Variants in RPAP3 observed in about 807,000 individuals in gnomAD.
RPAP3 encodes RNA polymerase II associated protein 3, also known as RNA polymerase II-associated protein 3.
RPAP3 carries 58 observed loss-of-function variants against 88.8 expected under a neutral mutation model. The observed-to-expected ratio is 0.65, with a 90% CI of 0.53 to 0.81. The LOEUF (loss-of-function observed/expected upper bound fraction) is 0.81. Among genes scored for constraint, RPAP3 ranks in the 40% least tolerant of loss-of-function variants. The probability of loss-of-function intolerance (pLI) is 0.00; values close to 1 mark genes in which losing one functional copy is unlikely to be tolerated. For synonymous variants in RPAP3, 255 were observed against 259.9 expected (o/e 0.98, Z 0.18); for missense variants, 751 against 764.3 (o/e 0.98, Z 0.20).
intron 5 of RPAP3, 126 bp downstream of exon 5, chr12:47,696,150 A>T: frequency 2.6e-6 from 2 of 773,100 alleles, no homozygotes; most frequent in Non-Finnish European, 3.7e-6. Context: ...ATAAGAATTT[A>T]CAGTTGAAAA....
chr12:47,697,606 T>A lies in RPAP3; in HGVS notation c.408A>T (p.Leu136Phe). ...IHVDSQKALV[L>F]KEKGNKYFKQ... is the part of the protein sequence containing the mutation. ...CCTAACTAATTAGTACCTTTTCTTT[T>A]AAAACAAGAGCCTTTTGTGAATCTA... The change falls in exon 4 of 17, where the codon TTA (leucine) becomes TTT (phenylalanine). Residue 136 changes from leucine (L) to phenylalanine (F), a missense_variant. Transcript: ENST00000005386. 1 of 1,598,122 alleles carries A rather than the reference T, an allele frequency of 6.3e-7. No individual in the cohort carries two copies. Among genetic ancestry groups the A allele is most frequent in the Non-Finnish European group, 8.5e-7 (1 of 1,175,808 alleles).
At chr12:47,698,675 A>C (rs1314919131) in intron 3 of RPAP3, among the ~76,000 whole-genome samples, 1 of 152,092 alleles carries the variant, frequency 6.6e-6, no homozygotes, top group Non-Finnish European at 1.5e-5. Context: ...CACCATGCGC[A>C]GCTAATTTTT....
At chr12:47,673,444 CAAAAAAAA>C (rs35080899) in intron 12 of RPAP3, among the ~76,000 whole-genome samples, 2 of 60,766 alleles carry the variant, frequency 3.3e-5, no homozygotes, top group African/African-American at 1.2e-4. Context: ...AACTCCGTCT[CAAAAAAAA>C]AAAAAAAAAA....
chr12:47,676,422 C>CA (rs879431790), intron 12 of RPAP3, among the ~76,000 whole-genome samples: 9 of 151,466 alleles, frequency 5.9e-5, no homozygotes, highest in Middle Eastern at 3.2e-3. Context: ...GTGATAGACA[C>CA]AAAAAAAACC....
chr12:47,679,759 A>C lies in RPAP3; in HGVS notation c.1130T>G (p.Leu377Ter). The change falls in exon 11 of 17, where the codon TTA becomes TGA. Residue 377 changes from leucine (L) to a stop codon, truncating the protein, a stop_gained. Coordinates refer to ENST00000005386, the MANE Select transcript of RPAP3 (RefSeq NM_024604.3). LOFTEE classifies it high-confidence loss of function. Reference sequence around the variant, plus strand: ...TTGCTTATTTCCAGGTTCCAGAAGTAAAACAGTTTCAAAATCTAAAGCGAA... The same window carrying C: ...TTGCTTATTTCCAGGTTCCAGAAGTCAAACAGTTTCAAAATCTAAAGCGAA... ...NEAKQDFETV[L>*]LLEPGNKQAV... is the part of the protein sequence containing the mutation. The C allele has an allele frequency of 6.2e-7, 1 of 1,605,784 alleles. No individual in the cohort carries two copies. Among genetic ancestry groups the C allele is most frequent in the Non-Finnish European group, 8.5e-7 (1 of 1,175,516 alleles).
At chr12:47,679,370 C>T in intron 12 of RPAP3, 123 bp downstream of exon 12, 1 of 593,100 alleles carries the variant, frequency 1.7e-6, no homozygotes, top group Non-Finnish European at 3.0e-6. Context: ...ACGTTGTGCA[C>T]ATGTACCCTA....
intron 2 of RPAP3, among the ~76,000 whole-genome samples, chr12:47,702,458 G>A (rs1215647385): frequency 6.6e-6 from 1 of 152,026 alleles, no homozygotes; most frequent in Admixed American, 6.5e-5. Context: ...GGAGGCTAAG[G>A]CAGGAGAACT....
At chr12:47,694,716 AC>A in intron 5 of RPAP3, among the ~76,000 whole-genome samples, 1 of 152,136 alleles carries the variant, frequency 6.6e-6, no homozygotes, top group Non-Finnish European at 1.5e-5. Context: ...AAAGAAAAAA[AC>A]AAAAATGGAA....
chr12:47,681,107 TC>T (rs75629144), intron 10 of RPAP3, among the ~76,000 whole-genome samples: 59,629 of 151,918 alleles, frequency 0.39, 12,031 homozygotes, highest in Middle Eastern at 0.5. Flanking sequence ...GCACCTGCAA[TC>T]CCATTAGTTA....
At chr12:47,682,696 A>T (rs1268541132) in intron 9 of RPAP3, among the ~76,000 whole-genome samples, 1 of 149,952 alleles carries the variant, frequency 6.7e-6, no homozygotes, top group Non-Finnish European at 1.5e-5. Context: ...AAAAAAAAAC[A>T]CTCCTGTAAT....
At position 47,662,701 on chromosome 12, in the gene RPAP3, T is replaced by A. The variant is rs1280736736; in HGVS notation, c.*804A>T. The A allele has an allele frequency of 1.3e-5, 2 of 152,212 alleles. No homozygotes were observed. Among genetic ancestry groups the A allele is most frequent in the Admixed American group, 1.3e-4 (2 of 15,288 alleles). The allele number at this position is 152,212 out of a possible 1,614,324, so 9.4% of individuals were successfully genotyped here. A position where few individuals can be genotyped will look rare whatever the true frequency, so the allele number is the denominator to read the frequency against. On this transcript the variant is annotated 3_prime_UTR_variant, in exon 17 of 17. Coordinates refer to ENST00000005386, the MANE Select transcript of RPAP3 (RefSeq NM_024604.3). ...TATAAGTATCAGTTGAGCACCTAAC[T>A]ATGTGCAAACGTCTGTGCTAGGTAC...
chr12:47,687,322 T>C (rs1260978078), intron 8 of RPAP3, among the ~76,000 whole-genome samples: 1 of 152,180 alleles, frequency 6.6e-6, no homozygotes, highest in Non-Finnish European at 1.5e-5. Flanking sequence ...TAAAGCCCAC[T>C]CTTCAATAAC....
At chr12:47,705,414 C>T (rs1404385071) in intron 1 of RPAP3, among the ~76,000 whole-genome samples, 1 of 152,182 alleles carries the variant, frequency 6.6e-6, no homozygotes, top group Non-Finnish European at 1.5e-5. Context: ...TTGTTGGGAA[C>T]TCAAATAAAT....
chr12:47,687,478 A>G (rs73104122), intron 8 of RPAP3, among the ~76,000 whole-genome samples: 24,313 of 152,074 alleles, frequency 0.16, 2,459 homozygotes, highest in Admixed American at 0.31. Context: ...TGGGTCCAGG[A>G]AAGGCAATAA....
chr12:47,663,631 T>G lies in RPAP3; in HGVS notation c.1913-41A>C, dbSNP rs775440809. 3.2e-6 allele frequency: 4 copies of G among 1,260,886 alleles called. No homozygotes were observed. The East Asian group carries it at 9.6e-5, about 30-fold the overall frequency. The allele number at this position is 1,260,886 out of a possible 1,614,324, so 78.1% of individuals were successfully genotyped here. A position where few individuals can be genotyped will look rare whatever the true frequency, so the allele number is the denominator to read the frequency against. On this transcript the variant is annotated intron_variant, in intron 16 of 16. Coordinates refer to ENST00000005386, the MANE Select transcript of RPAP3 (RefSeq NM_024604.3). ...AAATTCTCCATTTTAATCTCATTTT[T>G]TAAAAACCAAGCAAAATGTAAATTA...
chr12:47,701,608 AGGAGGG>A lies in RPAP3; in HGVS notation c.154-10_154-5del. ...CATTTCGAATAGGAGGTAAATTCTAAGGAGGGAAAAAAAAACACAAAGTTGTGAGTA... is the reference window on the plus strand; with the variant it reads ...CATTTCGAATAGGAGGTAAATTCTAAAAAAAAAAACACAAAGTTGTGAGTA... On this transcript the variant is annotated splice_polypyrimidine_tract_variant and splice_region_variant and intron_variant, in intron 2 of 16. Coordinates refer to ENST00000005386, the MANE Select transcript of RPAP3 (RefSeq NM_024604.3). 6.4e-7 allele frequency: 1 copy of A among 1,573,776 alleles called. No individual in the cohort carries two copies. Among genetic ancestry groups the A allele is most frequent in the African/African-American group, 1.4e-5 (1 of 72,772 alleles).
intron 12 of RPAP3, among the ~76,000 whole-genome samples, chr12:47,672,752 TC>T (rs1939024877): frequency 1.3e-5 from 2 of 152,236 alleles, no homozygotes; most frequent in South Asian, 4.1e-4. Flanking sequence ...ATTTCTCATT[TC>T]CTAGAGGTGT....
chr12:47,701,531 G>T lies in RPAP3; in HGVS notation c.227C>A (p.Thr76Asn). ...KGKAKESSKK[T>N]REENTKNRIK... Reference sequence around the variant, plus strand: ...CCTGTTTTTTGTGTTTTCCTCTCTGGTTTTTTTGGAAGACTCTTTAGCTTT... The same window carrying T: ...CCTGTTTTTTGTGTTTTCCTCTCTGTTTTTTTTGGAAGACTCTTTAGCTTT... Residue 76 changes from threonine to asparagine, a missense_variant, in exon 3 of 17, where the codon ACC becomes AAC. Physicochemically the swap from Thr to Asn is moderately conservative, Grantham distance 65. Transcript: ENST00000005386. 2 of 1,597,782 alleles carry T rather than the reference G, an allele frequency of 1.3e-6. No homozygotes were observed. The highest frequency in any genetic ancestry group is 8.5e-7 in the Non-Finnish European group (1 of 1,172,612).
At chr12:47,679,648 AAATAT>A in intron 11 of RPAP3, 51 bp downstream of exon 11, 2 of 1,522,200 alleles carry the variant, frequency 1.3e-6, no homozygotes, top group South Asian at 1.2e-5. Flanking sequence ...TACAACAAAT[AAATAT>A]ATTTATGTTT....
Sources: gnomAD v4.1 joint callset for allele counts (sites outside exome capture counted in the v4.1 genomes callset) on GRCh38, gnomAD v4.1.1 for gene constraint, MANE v1.5 for transcripts, NCBI Gene and HGNC (gene_info 2026-07-23, HGNC 2026-07-21) for gene names.